The following SYT1 variants were observed in gnomAD, a reference collection of about 807,000 sequenced individuals.
SYT1 encodes synaptotagmin-1.
SYT1 carries 8 observed loss-of-function variants against 44.8 expected under a neutral mutation model. That is an observed-to-expected ratio of 0.18 (90% CI 0.10 to 0.32). The LOEUF (loss-of-function observed/expected upper bound fraction) is 0.32, where lower values mean the gene tolerates loss of function less well. Among genes scored for constraint, SYT1 ranks in the 10% least tolerant of loss-of-function variants. SYT1 has a pLI of 1.00. For missense variants in SYT1, 286 were observed against 509.3 expected (o/e 0.56, Z 4.22); for synonymous variants, 154 against 188.8 (o/e 0.82, Z 1.51).
chr12:79,440,726 A>G (rs1870360576), intron 9 of SYT1, among the ~76,000 whole-genome samples: 1 of 152,206 alleles, frequency 6.6e-6, no homozygotes, highest in African/African-American at 2.4e-5. Flanking sequence ...AAAACAGAAC[A>G]AATTCAATTA....
At chr12:79,290,178 T>C (rs926825227) in intron 5 of SYT1, among the ~76,000 whole-genome samples, 2 of 152,176 alleles carry the variant, frequency 1.3e-5, no homozygotes, top group African/African-American at 2.4e-5. Context: ...CTAAGAAATT[T>C]CCAGCAAACA....
intron 3 of SYT1, among the ~76,000 whole-genome samples, chr12:79,202,007 C>T (rs1873817896): frequency 6.6e-6 from 1 of 152,084 alleles, no homozygotes; most frequent in Non-Finnish European, 1.5e-5. Context: ...ATTATAGTAT[C>T]TATAATTACT....
intron 3 of SYT1, among the ~76,000 whole-genome samples, chr12:79,199,774 G>T (rs1466740236): frequency 6.6e-6 from 1 of 151,988 alleles, no homozygotes; most frequent in East Asian, 1.9e-4. Context: ...CTGTGGTAGG[G>T]ATTGAGACAT....
intron 1 of SYT1, among the ~76,000 whole-genome samples, chr12:78,876,834 T>A (rs189702355): frequency 8.9e-4 from 3 of 3,368 alleles, no homozygotes; most frequent in Non-Finnish European, 1.1e-3. Context: ...TTATATGTAT[T>A]ATATATAATA....
At chr12:79,122,705 G>A (rs1437769843) in intron 3 of SYT1, among the ~76,000 whole-genome samples, 2 of 152,064 alleles carry the variant, frequency 1.3e-5, no homozygotes, top group African/African-American at 2.4e-5. Context: ...TATAAATTGA[G>A]TCTGGTAAGT....
At chr12:79,088,123 T>C (rs769194808) in intron 3 of SYT1, among the ~76,000 whole-genome samples, 3 of 152,102 alleles carry the variant, frequency 2.0e-5, no homozygotes, top group Non-Finnish European at 4.4e-5. Flanking sequence ...AATATGTTAT[T>C]AACATAGACT....
chr12:79,403,121 G>A (rs1221997397), intron 9 of SYT1, among the ~76,000 whole-genome samples: 3 of 152,170 alleles, frequency 2.0e-5, no homozygotes, highest in African/African-American at 7.2e-5. Context: ...ACTAAGTTAG[G>A]TCCCCACTGC....
At chr12:79,341,835 A>AT (rs1174891472) in intron 8 of SYT1, among the ~76,000 whole-genome samples, 1 of 151,086 alleles carries the variant, frequency 6.6e-6, no homozygotes, top group Non-Finnish European at 1.5e-5. Flanking sequence ...TGCCCAGCTA[A>AT]TTTTTTGTAT....
intron 4 of SYT1, among the ~76,000 whole-genome samples, chr12:79,262,493 A>G (rs980600864): frequency 6.6e-6 from 1 of 152,168 alleles, no homozygotes; most frequent in Non-Finnish European, 1.5e-5. Flanking sequence ...AACTCTATAA[A>G]TTACTAGAAG....
intron 3 of SYT1, among the ~76,000 whole-genome samples, chr12:79,151,631 C>T (rs1430837303): frequency 6.6e-6 from 1 of 152,078 alleles, no homozygotes; most frequent in Non-Finnish European, 1.5e-5. Flanking sequence ...GCCAATATTG[C>T]AGTCGAGTTG....
intron 2 of SYT1, among the ~76,000 whole-genome samples, chr12:79,005,676 T>A (rs1195934202): frequency 6.6e-6 from 1 of 152,100 alleles, no homozygotes; most frequent in Non-Finnish European, 1.5e-5. Context: ...CATAGACATG[T>A]AGGTTATGGA....
chr12:79,419,401 C>A, intron 9 of SYT1: 1 of 419,172 alleles, frequency 2.4e-6, no homozygotes. Flanking sequence ...TAGTGGTAAG[C>A]TCACAGTATC....
chr12:79,098,932 G>A (rs958391479), intron 3 of SYT1, among the ~76,000 whole-genome samples: 5 of 152,212 alleles, frequency 3.3e-5, no homozygotes, highest in Admixed American at 1.3e-4. Flanking sequence ...TATGAGTATC[G>A]ACTTTTTATC....
intron 1 of SYT1, among the ~76,000 whole-genome samples, chr12:78,868,108 G>A (rs2137030022): frequency 6.6e-6 from 1 of 151,912 alleles, no homozygotes; most frequent in East Asian, 1.9e-4. Context: ...ATACGAGCCT[G>A]AAATATAGTT....
intron 1 of SYT1, among the ~76,000 whole-genome samples, chr12:78,881,900 A>G (rs1874476970): frequency 1.3e-5 from 2 of 151,744 alleles, no homozygotes; most frequent in Non-Finnish European, 2.9e-5. Flanking sequence ...TCCCTCAGGC[A>G]TCTGCTTAAA....
chr12:79,451,591 T>C lies in SYT1; in HGVS notation c.*2467T>C, dbSNP rs1457762805. 1 of 152,246 alleles carries C rather than the reference T, an allele frequency of 6.6e-6. No homozygotes were observed. The highest frequency in any genetic ancestry group is 1.5e-5 in the Non-Finnish European group (1 of 68,046). 9.4% of individuals were successfully genotyped at this position (152,246 alleles called of 1,614,324 possible). A position where few individuals can be genotyped will look rare whatever the true frequency, so the allele number is the denominator to read the frequency against. Reference sequence around the variant, plus strand: ...AGACATGGGATTGTCACCATAGAATTAGTTGGTACTATGCCATCTTTCACT... The same window carrying C: ...AGACATGGGATTGTCACCATAGAATCAGTTGGTACTATGCCATCTTTCACT... On this transcript the variant is annotated 3_prime_UTR_variant, in exon 11 of 11. Transcript: ENST00000261205.
At chr12:79,432,937 G>C (rs1869884346) in intron 9 of SYT1, among the ~76,000 whole-genome samples, 1 of 152,104 alleles carries the variant, frequency 6.6e-6, no homozygotes, top group Non-Finnish European at 1.5e-5. Context: ...AGCAGAGAAA[G>C]AAGCACTGAG....
At chr12:79,291,525 C>G (rs1879580413) in intron 5 of SYT1, among the ~76,000 whole-genome samples, 2 of 152,160 alleles carry the variant, frequency 1.3e-5, no homozygotes, top group Non-Finnish European at 1.5e-5. Context: ...AGGATCATTA[C>G]TGAACTATCT....
intron 9 of SYT1, among the ~76,000 whole-genome samples, chr12:79,399,667 GA>G (rs1885003215): frequency 6.6e-6 from 1 of 152,116 alleles, no homozygotes; most frequent in South Asian, 2.1e-4. Flanking sequence ...TTCTCATGTA[GA>G]AGATATTACA....
Sources: allele counts gnomAD v4.1 joint callset (sites outside exome capture counted in the v4.1 genomes callset), GRCh38; gene constraint gnomAD v4.1.1; transcripts MANE v1.5; gene names NCBI Gene and HGNC (gene_info 2026-07-23, HGNC 2026-07-21).